The following DLC1 variants were observed in gnomAD, a reference collection of about 807,000 sequenced individuals.
DLC1 encodes DLC1 Rho GTPase activating protein.
In DLC1, 54 loss-of-function variants were observed where a neutral mutation model predicts 140.3. The ratio of observed to expected loss-of-function variants is 0.38; its 90% CI spans 0.31 to 0.48. DLC1 has a LOEUF of 0.48. Ranked by LOEUF, DLC1 falls within the 20% of genes least tolerant of loss-of-function variation. The pLI is 0.96. For synonymous variants in DLC1, 986 were observed against 728.1 expected (o/e 1.35, Z -5.70); for missense variants, 2,536 against 1,907.0 (o/e 1.33, Z -6.14).
intron 5 of DLC1, among the ~76,000 whole-genome samples, chr8:13,178,333 C>T (rs775634890): frequency 2.1e-4 from 32 of 152,132 alleles, no homozygotes; most frequent in Middle Eastern, 6.8e-3. Context: ...GAGGCCATGA[C>T]GGGCGGATCA....
chr8:13,291,304 T>C (rs1034711772), intron 5 of DLC1, among the ~76,000 whole-genome samples: 17 of 152,350 alleles, frequency 1.1e-4, no homozygotes, highest in Middle Eastern at 3.4e-3. Flanking sequence ...GTAACTTACT[T>C]AAGGCTTATA....
chr8:13,369,711 A>G (rs956730845), intron 4 of DLC1, among the ~76,000 whole-genome samples: 26 of 151,988 alleles, frequency 1.7e-4, no homozygotes, highest in African/African-American at 6.0e-4. Flanking sequence ...CTTGGTCCAG[A>G]CACCATCCTC....
intron 5 of DLC1, among the ~76,000 whole-genome samples, chr8:13,118,171 G>C (rs985904239): frequency 1.3e-5 from 2 of 151,866 alleles, no homozygotes; most frequent in East Asian, 1.9e-4. Flanking sequence ...ACTGTGCCTG[G>C]CTGTCTCTCT....
intron 5 of DLC1, among the ~76,000 whole-genome samples, chr8:13,210,194 T>A (rs771115328): frequency 6.6e-5 from 10 of 152,198 alleles, no homozygotes; most frequent in African/African-American, 1.9e-4. Flanking sequence ...TTTATTTTTT[T>A]AAAATAGCTA....
intron 1 of DLC1, among the ~76,000 whole-genome samples, chr8:13,546,691 A>G (rs1200248130): frequency 6.6e-6 from 1 of 152,162 alleles, no homozygotes; most frequent in African/African-American, 2.4e-5. Context: ...AGTGATGGTG[A>G]AAACCAGCGT....
intron 5 of DLC1, among the ~76,000 whole-genome samples, chr8:13,167,140 C>T (rs901761248): frequency 6.6e-6 from 1 of 152,144 alleles, no homozygotes; most frequent in Non-Finnish European, 1.5e-5. Context: ...CTAGTGGAAA[C>T]AACCTGTGTA....
chr8:13,245,861 C>T lies in DLC1; in HGVS notation c.1348+59408G>A, dbSNP rs528562549. ...GATTACAGGTGCCCACCACCACTCC[C>T]GGCTAATTTTTTGTATTTTTAGTAG... On this transcript the variant is annotated intron_variant, in intron 5 of 17. Coordinates refer to ENST00000276297, the MANE Select transcript of DLC1 (RefSeq NM_182643.3). Among the ~76,000 whole-genome samples the T allele has an allele frequency of 2.4e-3, 362 of 151,960 alleles. 7 individuals carry two copies. The highest frequency in any genetic ancestry group is 8.0e-3 in the African/African-American group (332 of 41,426).
At chr8:13,301,664 C>T (rs1832196322) in intron 5 of DLC1, among the ~76,000 whole-genome samples, 1 of 152,166 alleles carries the variant, frequency 6.6e-6, no homozygotes, top group Non-Finnish European at 1.5e-5. Context: ...CAGGGATCCC[C>T]AACCCCCAAG....
intron 2 of DLC1, among the ~76,000 whole-genome samples, chr8:13,465,969 C>A (rs1799912925): frequency 6.6e-6 from 1 of 152,136 alleles, no homozygotes; most frequent in Admixed American, 6.6e-5. Context: ...CAGATACCTG[C>A]CTTTATACAG....
chr8:13,150,630 C>T (rs773089760), intron 5 of DLC1, among the ~76,000 whole-genome samples: 1 of 152,222 alleles, frequency 6.6e-6, no homozygotes, highest in Non-Finnish European at 1.5e-5. Flanking sequence ...GGAAACCAGG[C>T]CTCTGGCTAT....
chr8:13,319,267 G>A (rs567368382), intron 4 of DLC1, among the ~76,000 whole-genome samples: 34 of 152,258 alleles, frequency 2.2e-4, no homozygotes, highest in African/African-American at 8.2e-4. Flanking sequence ...CAGAAATTTT[G>A]CATTATAATT....
At chr8:13,258,590 C>T (rs1167016228) in intron 5 of DLC1, among the ~76,000 whole-genome samples, 1 of 152,144 alleles carries the variant, frequency 6.6e-6, no homozygotes, top group East Asian at 1.9e-4. Context: ...AACCAGTTAC[C>T]TATTATTTTG....
At chr8:13,277,453 A>T (rs796627286) in intron 5 of DLC1, among the ~76,000 whole-genome samples, 17 of 152,298 alleles carry the variant, frequency 1.1e-4, no homozygotes, top group African/African-American at 3.6e-4. Context: ...AAAAGTTTCA[A>T]ATATCCCCTG....
intron 1 of DLC1, among the ~76,000 whole-genome samples, chr8:13,599,973 C>G (rs1487595608): frequency 6.6e-6 from 1 of 151,932 alleles, no homozygotes; most frequent in Non-Finnish European, 1.5e-5. Flanking sequence ...TCTTCACCAC[C>G]TTCACCATTA....
At chr8:13,586,648 T>C (rs991106620) in intron 1 of DLC1, among the ~76,000 whole-genome samples, 3 of 144,726 alleles carry the variant, frequency 2.1e-5, no homozygotes, top group Admixed American at 2.1e-4. Flanking sequence ...ATGAAACATG[T>C]AAGAAATAAT....
chr8:13,498,830 A>T, intron 2 of DLC1: 2 of 461,722 alleles, frequency 4.3e-6, no homozygotes, highest in Non-Finnish European at 7.3e-6. Flanking sequence ...ATATTCATAA[A>T]CCATTATACA....
intron 1 of DLC1, among the ~76,000 whole-genome samples, chr8:13,527,506 G>A (rs765077235): frequency 7.2e-5 from 11 of 151,978 alleles, no homozygotes; most frequent in Non-Finnish European, 1.3e-4. Flanking sequence ...TAAGGAAAAC[G>A]ATGTTATGTT....
rs991645038 is a variant in DLC1, at chr8:13,311,679, T to C, written c.1315-6377A>G. On this transcript the variant is annotated intron_variant, in intron 4 of 17. Coordinates refer to ENST00000276297, the MANE Select transcript of DLC1 (RefSeq NM_182643.3). ...ACTGAAATTATAGCTTTATTTATAC[T>C]ATATGGTGCAGAAATTTGGGGTCTC... is the stretch of plus-strand genomic sequence containing the variant. 2.6e-5 allele frequency among the ~76,000 whole-genome samples: 4 copies of C among 152,340 alleles called. No individual in the cohort carries two copies. In the East Asian group the frequency reaches 7.7e-4, roughly 29 times the overall value.
At chr8:13,141,277 A>AAAAAAAAAAAAAAAAAAAAAC (rs1822971451) in intron 5 of DLC1, among the ~76,000 whole-genome samples, 1 of 132,582 alleles carries the variant, frequency 7.5e-6, no homozygotes, top group Non-Finnish European at 1.7e-5. Flanking sequence ...AAAAAAAAAA[A>AAAAAAAAAAAAAAAAAAAAAC]AAAAAAAGCC....
Sources: gnomAD v4.1 joint callset for allele counts (sites outside exome capture counted in the v4.1 genomes callset) on GRCh38, gnomAD v4.1.1 for gene constraint, MANE v1.5 for transcripts, NCBI Gene and HGNC (gene_info 2026-07-23, HGNC 2026-07-21) for gene names.